Variants in PTPRM observed in about 807,000 individuals in gnomAD.
PTPRM encodes the protein protein tyrosine phosphatase receptor type M.
Under a neutral mutation model 186.7 loss-of-function variants are expected in PTPRM, and 47 were observed. The observed-to-expected ratio is 0.25, with a 90% CI of 0.20 to 0.32. The LOEUF is 0.32. PTPRM is among the 10% of genes least tolerant of loss of function. PTPRM has a pLI of 1.00. For synonymous variants in PTPRM, 668 were observed against 674.9 expected, an observed-to-expected ratio of 0.99 and a Z score of 0.16; for missense variants, 1,494 against 1,865.0, an observed-to-expected ratio of 0.80 and a Z score of 3.66.
intron 2 of PTPRM, among the ~76,000 whole-genome samples, chr18:7,806,802 A>G (rs2044259752): frequency 6.6e-6 from 1 of 152,240 alleles, no homozygotes; most frequent in Non-Finnish European, 1.5e-5. Flanking sequence ...AGAACAGGGT[A>G]ATACACCAGC....
At chr18:7,653,471 C>T (rs78589217) in intron 1 of PTPRM, among the ~76,000 whole-genome samples, 83 of 152,260 alleles carry the variant, frequency 5.5e-4, no homozygotes, top group African/African-American at 1.9e-3. Context: ...TCCTCCCACC[C>T]TCTGCCCTCT....
intron 2 of PTPRM, among the ~76,000 whole-genome samples, chr18:7,823,057 CAA>C (rs2045288918): frequency 6.6e-6 from 1 of 152,150 alleles, no homozygotes; most frequent in African/African-American, 2.4e-5. Context: ...CTCTGGGAGA[CAA>C]GAGTCTCCCC....
rs552675159 is a variant in PTPRM, at chr18:7,708,008, A to G, written c.74-66141A>G. ...TATCCAGAATTACTTTAGCACTAGA[A>G]TATTGCAGAATATGCTACTCAAAAG... On this transcript the variant is annotated intron_variant, in intron 1 of 32. Transcript: ENST00000580170. Among the ~76,000 whole-genome samples, 16 of 152,376 alleles carry G rather than the reference A, an allele frequency of 1.1e-4. No homozygotes were observed. In the South Asian group the frequency reaches 3.3e-3, roughly 32 times the overall value.
intron 1 of PTPRM, among the ~76,000 whole-genome samples, chr18:7,618,664 T>C (rs565564686): frequency 4.7e-4 from 71 of 152,338 alleles, no homozygotes; most frequent in Non-Finnish European, 7.9e-4. Context: ...CTTTTCATAG[T>C]TTGTACCCTT....
At chr18:8,319,308 C>A in intron 22 of PTPRM, 94 bp downstream of exon 22, 1 of 889,560 alleles carries the variant, frequency 1.1e-6, no homozygotes, top group Non-Finnish European at 1.8e-6. Context: ...GAAGATATTG[C>A]ACATTTATTG....
chr18:7,708,003 C>G (rs907625045), intron 1 of PTPRM, among the ~76,000 whole-genome samples: 2 of 152,206 alleles, frequency 1.3e-5, no homozygotes, highest in East Asian at 3.8e-4. Context: ...TACTTTAGCA[C>G]TAGAATATTG....
At chr18:7,618,417 CA>C (rs1268497959) in intron 1 of PTPRM, among the ~76,000 whole-genome samples, 1 of 152,058 alleles carries the variant, frequency 6.6e-6, no homozygotes, top group African/African-American at 2.4e-5. Flanking sequence ...CACTTTAACT[CA>C]GATTTATCAC....
intron 14 of PTPRM, among the ~76,000 whole-genome samples, chr18:8,191,184 G>A (rs1299984545): frequency 6.6e-6 from 1 of 152,220 alleles, no homozygotes; most frequent in Non-Finnish European, 1.5e-5. Context: ...TGCCCAGCCA[G>A]CCAAGGATAC....
intron 1 of PTPRM, among the ~76,000 whole-genome samples, chr18:7,626,383 T>C (rs2038063571): frequency 6.6e-6 from 1 of 152,210 alleles, no homozygotes; most frequent in Admixed American, 6.5e-5. Context: ...GGACAGAGTT[T>C]AGGCAGAGAG....
At chr18:8,075,602 T>A (rs1261251497) in intron 8 of PTPRM, among the ~76,000 whole-genome samples, 1 of 152,148 alleles carries the variant, frequency 6.6e-6, no homozygotes, top group East Asian at 1.9e-4. Flanking sequence ...TATAGAAAAC[T>A]GGCAAATGAC....
At chr18:8,016,642 T>A (rs2084887857) in intron 7 of PTPRM, among the ~76,000 whole-genome samples, 1 of 152,164 alleles carries the variant, frequency 6.6e-6, no homozygotes, top group Non-Finnish European at 1.5e-5. Context: ...GGAACTGATT[T>A]CAGATTGGTG....
chr18:8,352,802 C>G (rs2095542909), intron 23 of PTPRM, among the ~76,000 whole-genome samples: 1 of 151,958 alleles, frequency 6.6e-6, no homozygotes, highest in South Asian at 2.1e-4. Context: ...TCCCAAGTAG[C>G]TGGGATTACA....
intron 1 of PTPRM, among the ~76,000 whole-genome samples, chr18:7,587,697 A>G (rs764277422): frequency 1.3e-5 from 2 of 152,132 alleles, no homozygotes; most frequent in Admixed American, 6.6e-5. Context: ...ATTAGTTTCA[A>G]TATACTTTAG....
At chr18:7,981,349 A>C (rs530137169) in intron 7 of PTPRM, among the ~76,000 whole-genome samples, 10 of 152,324 alleles carry the variant, frequency 6.6e-5, no homozygotes, top group African/African-American at 2.4e-4. Context: ...GAATGCACAC[A>C]CAGCACCTAG....
chr18:7,768,864 T>C (rs748566846), intron 1 of PTPRM, among the ~76,000 whole-genome samples: 1 of 152,058 alleles, frequency 6.6e-6, no homozygotes, highest in Non-Finnish European at 1.5e-5. Flanking sequence ...CAGGCTAGTC[T>C]TGAATTCCCG....
At chr18:8,080,934 C>T (rs2090095674) in intron 9 of PTPRM, among the ~76,000 whole-genome samples, 1 of 152,160 alleles carries the variant, frequency 6.6e-6, no homozygotes, top group Admixed American at 6.6e-5. Context: ...GCCTATCTTT[C>T]AGTATTTTAT....
At chr18:8,009,143 G>A (rs539384493) in intron 7 of PTPRM, among the ~76,000 whole-genome samples, 2 of 152,250 alleles carry the variant, frequency 1.3e-5, no homozygotes, top group South Asian at 2.1e-4. Context: ...GAGCTTCTCC[G>A]ATATAGCTTC....
chr18:8,388,134 T>C (rs1018869466), intron 31 of PTPRM, among the ~76,000 whole-genome samples: 8 of 152,186 alleles, frequency 5.3e-5, no homozygotes, highest in Non-Finnish European at 8.8e-5. Context: ...CATTTTCTCA[T>C]TGGCAGTGAT....
rs1384304525 is a variant in PTPRM, at chr18:7,891,332, G to C, written c.468+2955G>C. 4.1e-5 allele frequency among the ~76,000 whole-genome samples: 6 copies of C among 146,140 alleles called. No individual in the cohort carries two copies. The East Asian group carries it at 1.2e-3, about 30-fold the overall frequency. On this transcript the variant is annotated intron_variant, in intron 3 of 32. Transcript: ENST00000580170. ...GAAAAAAGAAAGCAGAATCTCTCTA[G>C]CTAGTGGGATAACAGGTAAATTTTT...
Sources: allele counts gnomAD v4.1 joint callset (sites outside exome capture counted in the v4.1 genomes callset), GRCh38; gene constraint gnomAD v4.1.1; transcripts MANE v1.5; gene names NCBI Gene and HGNC (gene_info 2026-07-23, HGNC 2026-07-21).